Variants in PCBP3 observed in about 807,000 individuals in gnomAD.
PCBP3 encodes poly(rC) binding protein 3, also known as poly(rC)-binding protein 3.
PCBP3 carries 25 observed loss-of-function variants against 52.7 expected under a neutral mutation model. The observed-to-expected ratio is 0.47, with a 90% CI of 0.35 to 0.66. The LOEUF (loss-of-function observed/expected upper bound fraction) is 0.66. PCBP3 is among the 30% of genes least tolerant of loss of function. The pLI, the probability that PCBP3 is intolerant of heterozygous loss-of-function variation, is 0.01. For synonymous variants in PCBP3, 162 were observed against 183.0 expected, an observed-to-expected ratio of 0.89 and a Z score of 0.93; for missense variants, 391 against 490.3, an observed-to-expected ratio of 0.80 and a Z score of 1.91.
chr21:45,803,089 A>G (rs1267478766), intron 4 of PCBP3, among the ~76,000 whole-genome samples: 2 of 152,230 alleles, frequency 1.3e-5, no homozygotes, highest in African/African-American at 4.8e-5. Context: ...TCAGTCACAA[A>G]GCAACTTGAG....
intron 13 of PCBP3, chr21:45,918,812 T>C (rs8134757): frequency 1.5e-3 from 39 of 25,570 alleles, no homozygotes; most frequent in African/African-American, 2.7e-3. Context: ...GATAAACCAT[T>C]GGTGTAATTC....
At chr21:45,722,196 C>T (rs1327713630) in intron 2 of PCBP3, among the ~76,000 whole-genome samples, 1 of 152,054 alleles carries the variant, frequency 6.6e-6, no homozygotes, top group Non-Finnish European at 1.5e-5. Context: ...AGGAATGATC[C>T]ATGACATGAA....
At chr21:45,705,330 G>T (rs2083381139) in intron 2 of PCBP3, among the ~76,000 whole-genome samples, 1 of 152,200 alleles carries the variant, frequency 6.6e-6, no homozygotes, top group Non-Finnish European at 1.5e-5. Context: ...AGCATCTTAG[G>T]GTCTCTGTGT....
chr21:45,762,075 T>G (rs2088731696), intron 4 of PCBP3: 1 of 152,226 alleles, frequency 6.6e-6, no homozygotes, highest in South Asian at 2.1e-4. Context: ...AATGCAAAAC[T>G]GAGTGGGTTA....
intron 6 of PCBP3, among the ~76,000 whole-genome samples, chr21:45,898,544 GTCCTCCCAGCCTCCCTCTA>G (rs1569467269): frequency 7.7e-5 from 7 of 91,290 alleles, no homozygotes; most frequent in African/African-American, 9.7e-5. Flanking sequence ...TCTACACACT[GTCCTCCCAGCCTCCCTCTA>G]CACGCCATCC....
intron 4 of PCBP3, among the ~76,000 whole-genome samples, chr21:45,812,071 T>C (rs1426890327): frequency 6.6e-6 from 1 of 152,228 alleles, no homozygotes; most frequent in Non-Finnish European, 1.5e-5. Context: ...CTCAAACTTA[T>C]ATTACACCTT....
intron 4 of PCBP3, chr21:45,759,897 C>A (rs929053736): frequency 3.3e-5 from 5 of 152,134 alleles, no homozygotes; most frequent in African/African-American, 1.2e-4. Context: ...AAGACATTGC[C>A]TTCAAAGAAG....
At chr21:45,815,055 TGTTGAGTGAGTGATGAGTGATG>T (rs1405076991) in intron 4 of PCBP3, among the ~76,000 whole-genome samples, 4 of 107,262 alleles carry the variant, frequency 3.7e-5, no homozygotes, top group Non-Finnish European at 5.6e-5. Flanking sequence ...GAGTGGTGAG[TGTTGAGTGAGTGATGAGTGATG>T]GGTGAGTGGT....
At chr21:45,701,766 G>A (rs1285718154) in intron 2 of PCBP3, among the ~76,000 whole-genome samples, 3 of 152,156 alleles carry the variant, frequency 2.0e-5, no homozygotes, top group Non-Finnish European at 1.5e-5. Flanking sequence ...TGCCATGTTG[G>A]CCAGGCTGGC....
At chr21:45,784,901 A>G (rs1227182941) in intron 4 of PCBP3, among the ~76,000 whole-genome samples, 1 of 151,818 alleles carries the variant, frequency 6.6e-6, no homozygotes, top group Non-Finnish European at 1.5e-5. Context: ...GGAAGTGATG[A>G]GTGTCTCTGC....
chr21:45,901,164 C>T (rs1293959555), intron 9 of PCBP3, 51 bp downstream of exon 9: 1 of 1,322,482 alleles, frequency 7.6e-7, no homozygotes, highest in Admixed American at 1.7e-5. Flanking sequence ...CAGGCCTGGT[C>T]CCAGCTGGCT....
At chr21:45,693,084 C>T (rs1252090110) in intron 2 of PCBP3, among the ~76,000 whole-genome samples, 1 of 152,090 alleles carries the variant, frequency 6.6e-6, no homozygotes, top group Non-Finnish European at 1.5e-5. Context: ...AAATTCAACA[C>T]CCACTAATAA....
chr21:45,748,758 C>T (rs528965779), intron 3 of PCBP3, among the ~76,000 whole-genome samples: 5 of 152,332 alleles, frequency 3.3e-5, no homozygotes, highest in Admixed American at 1.3e-4. Flanking sequence ...GTTAAGCTGG[C>T]AGAGTCTGAG....
chr21:45,727,121 C>G (rs547023515), intron 2 of PCBP3, among the ~76,000 whole-genome samples: 25 of 152,222 alleles, frequency 1.6e-4, no homozygotes, highest in African/African-American at 5.5e-4. Flanking sequence ...AAGATTTTAT[C>G]TTATTCATTC....
chr21:45,808,380 G>C (rs1198821270), intron 4 of PCBP3, among the ~76,000 whole-genome samples: 1 of 152,144 alleles, frequency 6.6e-6, no homozygotes, highest in Admixed American at 6.5e-5. Flanking sequence ...AGTGGGCAAA[G>C]GATATGAACA....
At chr21:45,664,924 G>T (rs1052820383) in intron 1 of PCBP3, among the ~76,000 whole-genome samples, 1 of 151,830 alleles carries the variant, frequency 6.6e-6, no homozygotes, top group Non-Finnish European at 1.5e-5. Flanking sequence ...AATTTCATCC[G>T]TGATGTTTTT....
At chr21:45,699,824 C>G (rs2082999912) in intron 2 of PCBP3, among the ~76,000 whole-genome samples, 1 of 152,148 alleles carries the variant, frequency 6.6e-6, no homozygotes, top group African/African-American at 2.4e-5. Context: ...AATTATCTCC[C>G]ACCAGGTCCC....
chr21:45,813,501 G>A (rs971700306), intron 4 of PCBP3, among the ~76,000 whole-genome samples: 5 of 152,174 alleles, frequency 3.3e-5, no homozygotes, highest in Non-Finnish European at 1.5e-5. Context: ...GAGTGCAGTG[G>A]CACGATCTCA....
chr21:45,915,763 G>T (rs1381152158), intron 12 of PCBP3: 1 of 152,372 alleles, frequency 6.6e-6, no homozygotes, highest in Non-Finnish European at 1.5e-5. Context: ...AGCCTTGGTG[G>T]TGGAGGACAG....
Sources: gnomAD v4.1 joint callset for allele counts (sites outside exome capture counted in the v4.1 genomes callset) on GRCh38, gnomAD v4.1.1 for gene constraint, MANE v1.5 for transcripts, NCBI Gene and HGNC (gene_info 2026-07-23, HGNC 2026-07-21) for gene names.